NCOR2: variants seen among roughly 807,000 people sequenced by gnomAD.
NCOR2 encodes nuclear receptor corepressor 2, also known as CTG repeat protein 26.
In NCOR2, 81 loss-of-function variants were observed where a neutral mutation model predicts 262.9. The observed-to-expected ratio is 0.31, with a 90% confidence interval of 0.26 to 0.37. The LOEUF (loss-of-function observed/expected upper bound fraction) is 0.37. Ranked by LOEUF, NCOR2 falls within the 10% of genes least tolerant of loss-of-function variation. The pLI, the probability that NCOR2 is intolerant of heterozygous loss-of-function variation, is 1.00. For synonymous variants in NCOR2, 1,659 were observed against 1,559.3 expected, an observed-to-expected ratio of 1.06 and a Z score of -1.51; for missense variants, 3,385 against 3,621.4, an observed-to-expected ratio of 0.93 and a Z score of 1.68.
At chr12:124,466,141 G>A (rs559717846) in intron 5 of NCOR2, 32 bp downstream of exon 7, 17 of 1,567,992 alleles carry the variant, frequency 1.1e-5, no homozygotes, top group Middle Eastern at 1.7e-4. Flanking sequence ...GGCCAGCACC[G>A]GGGGGCAGCA....
At chr12:124,339,905 A>AATACCCCCC in intron 37 of NCOR2, 101 bp downstream of exon 39, 1 of 163,606 alleles carries the variant, frequency 6.1e-6, no homozygotes, top group Non-Finnish European at 1.1e-5. Flanking sequence ...CCACCCACCC[A>AATACCCCCC]CCTCCCATAT....
intron 40 of NCOR2, 48 bp downstream of exon 42, chr12:124,335,087 G>A: frequency 1.2e-6 from 2 of 1,611,870 alleles, no homozygotes; most frequent in South Asian, 2.2e-5. Context: ...CAGGCCTGGT[G>A]CCCCCAGGTG....
At position 124,523,297 on chromosome 12, in the gene NCOR2, C is replaced by A. The variant is rs192979484; in HGVS notation, c.-118+12268G>T. Among the ~76,000 whole-genome samples the A allele has an allele frequency of 2.6e-5, 4 of 152,334 alleles. No homozygotes were observed. The highest frequency in any genetic ancestry group is 7.2e-5 in the African/African-American group (3 of 41,572). On this transcript the variant is annotated intron_variant, in intron 1 of 46. Coordinates refer to the NCOR2 transcript ENST00000404621. The surrounding 1 kb of genome is among the most constrained non-coding windows in gnomAD (Gnocchi z 4.0). ...CGGCACGCCAGAATACCATGGGCACCCAGCAACTGGCAAGGACGGCTGGGG... is the reference window on the plus strand; with the variant it reads ...CGGCACGCCAGAATACCATGGGCACACAGCAACTGGCAAGGACGGCTGGGG...
At position 124,517,038 on chromosome 12, in the gene NCOR2, C is replaced by T. The variant is rs1345146402; in HGVS notation, c.-118+18527G>A. ...GAAGTGTCCAACCAGGACAGGAACC[C>T]AGGCAGTCTGCCCCGCGTTCCCCCT... On this transcript the variant is annotated intron_variant, in intron 1 of 46. Transcript: ENST00000404621. The surrounding 1 kb of genome is among the most constrained non-coding windows in gnomAD (Gnocchi z 7.6). Among the ~76,000 whole-genome samples the T allele has an allele frequency of 6.6e-6, 1 of 152,148 alleles. No individual in the cohort carries two copies. Among genetic ancestry groups the T allele is most frequent in the Non-Finnish European group, 1.5e-5 (1 of 68,026 alleles).
intron 1 of NCOR2, among the ~76,000 whole-genome samples, chr12:124,524,339 C>T (rs2050345054): frequency 6.6e-6 from 1 of 152,230 alleles, no homozygotes; most frequent in Non-Finnish European, 1.5e-5. Flanking sequence ...CTCCCTGTGT[C>T]TGAGTTTGGG....
chr12:124,512,273 C>T (rs1837811349), intron 1 of NCOR2, among the ~76,000 whole-genome samples: 1 of 152,218 alleles, frequency 6.6e-6, no homozygotes, highest in Non-Finnish European at 1.5e-5. Flanking sequence ...AAGGCGTCAG[C>T]AGGACCCTAC....
In NCOR2 at chr12:124,346,552, C is replaced by CCTG; in HGVS notation, c.4359+9_4359+11dup. The CCTG allele has an allele frequency of 6.6e-7, 1 of 1,523,910 alleles. No homozygotes were observed. Among genetic ancestry groups the CCTG allele is most frequent in the South Asian group, 1.3e-5 (1 of 78,488 alleles). 94.4% of individuals were successfully genotyped at this position (1,523,910 alleles called of 1,614,324 possible). The stretch of plus-strand genomic sequence containing the variant: ...CTAGAACTGGGCCCGTGTGCCTGGC[C>CCTG]CTGGGCCATACCTGCGTGATGGAGC... On this transcript the variant is annotated intron_variant, in intron 31 of 46. Coordinates refer to ENST00000405201, the Ensembl canonical transcript of NCOR2.
chr12:124,473,788 T>C (rs2046950050), intron 3 of NCOR2, among the ~76,000 whole-genome samples: 1 of 152,044 alleles, frequency 6.6e-6, no homozygotes, highest in Non-Finnish European at 1.5e-5. Context: ...GTCTTGGGTA[T>C]GTCTTTATCA....
chr12:124,467,230 C>A (rs186065097), intron 4 of NCOR2, among the ~76,000 whole-genome samples: 1 of 108,716 alleles, frequency 9.2e-6, no homozygotes, highest in African/African-American at 3.6e-5. Context: ...TCCTCATCAC[C>A]CCCCTCATCT....
chr12:124,544,177 T>C (rs140734014), intron 1 of NCOR2, among the ~76,000 whole-genome samples: 63 of 152,242 alleles, frequency 4.1e-4, no homozygotes, highest in African/African-American at 1.5e-3. Flanking sequence ...TCGGGAAACC[T>C]CTCTATGCCC....
At chr12:124,362,351 G>A in intron 21 of NCOR2, 54 bp from the exon 24 acceptor site, 1 of 1,326,706 alleles carries the variant, frequency 7.5e-7, no homozygotes, top group Non-Finnish European at 9.7e-7. Flanking sequence ...AAAGTGACAG[G>A]GTCAGGGAGA....
At chr12:124,431,197 C>A (rs957740529) in intron 8 of NCOR2, among the ~76,000 whole-genome samples, 1 of 146,622 alleles carries the variant, frequency 6.8e-6, no homozygotes, top group Non-Finnish European at 1.5e-5. Flanking sequence ...GACATGCACA[C>A]ACAGGCACAC....
chr12:124,539,219 C>G (rs1001844070), upstream of NCOR2: 19 of 152,590 alleles, frequency 1.2e-4, no homozygotes, highest in Admixed American at 1.1e-3. The surrounding 1 kb of genome is among the most constrained non-coding windows in gnomAD (Gnocchi z 5.1). Flanking sequence ...GTGTCACGCT[C>G]CCCTGTGCTC....
At chr12:124,345,354 C>G (rs2036831397) in intron 31 of NCOR2, among the ~76,000 whole-genome samples, 1 of 152,156 alleles carries the variant, frequency 6.6e-6, no homozygotes, top group Non-Finnish European at 1.5e-5. Flanking sequence ...CAGAAAAAGT[C>G]AGCACCCAGA....
At chr12:124,429,141 C>G (rs746852496) in intron 10 of NCOR2, among the ~76,000 whole-genome samples, 1 of 152,272 alleles carries the variant, frequency 6.6e-6, no homozygotes, top group African/African-American at 2.4e-5. Context: ...GCTGCGTGGA[C>G]AGCTGGCGTG....
chr12:124,359,744 G>A (rs977430337), intron 22 of NCOR2, among the ~76,000 whole-genome samples: 19 of 152,248 alleles, frequency 1.2e-4, no homozygotes, highest in Non-Finnish European at 2.8e-4. Flanking sequence ...GCGGGCGGCC[G>A]AGAGCCTGGA....
intron 13 of NCOR2, among the ~76,000 whole-genome samples, chr12:124,406,909 C>T (rs929340951): frequency 6.6e-6 from 1 of 152,248 alleles, no homozygotes; most frequent in African/African-American, 2.4e-5. Flanking sequence ...TCGCTGAGCA[C>T]ATTTGATGAG....
chr12:124,466,355 G>A lies in NCOR2; in HGVS notation c.592-69C>T, dbSNP rs969057067. On this transcript the variant is annotated intron_variant, in intron 4 of 46. Transcript: ENST00000405201. ...CGGAAGGAGGGCTGCAGCCCCCAGG[G>A]CGCGGGGAGGCCCCCTTGCAGCCCG... is the stretch of plus-strand genomic sequence containing the variant. The A allele has an allele frequency of 4.9e-6, 7 of 1,432,426 alleles. No individual in the cohort carries two copies. In the East Asian group the frequency reaches 7.3e-5, roughly 15 times the overall value. The allele number at this position is 1,432,426 out of a possible 1,614,324, so 88.7% of individuals were successfully genotyped here.
chr12:124,485,943 A>G (rs1481024093), intron 2 of NCOR2, among the ~76,000 whole-genome samples: 1 of 127,836 alleles, frequency 7.8e-6, no homozygotes. Context: ...TAGTCCCTCC[A>G]GCTCCCCACC....
Sources: allele counts gnomAD v4.1 joint callset (sites outside exome capture counted in the v4.1 genomes callset), GRCh38; gene constraint gnomAD v4.1.1; non-coding constraint Gnocchi (gnomAD v3.1); transcripts MANE v1.5; gene names NCBI Gene and HGNC (gene_info 2026-07-23, HGNC 2026-07-21).